Variants in GRIA2 observed in about 807,000 individuals in gnomAD.
GRIA2 encodes the protein glutamate ionotropic receptor AMPA type subunit 2.
In GRIA2, 14 loss-of-function variants were observed where a neutral mutation model predicts 97.3. That is an observed-to-expected ratio of 0.14 (90% CI 0.10 to 0.23). The LOEUF is 0.23. Among genes scored for constraint, GRIA2 ranks in the 10% least tolerant of loss-of-function variants. The pLI, the probability that GRIA2 is intolerant of heterozygous loss-of-function variation, is 1.00. For missense variants in GRIA2, 558 were observed against 1,069.8 expected, an observed-to-expected ratio of 0.52 and a Z score of 6.67; for synonymous variants, 412 against 387.8, an observed-to-expected ratio of 1.06 and a Z score of -0.73.
At chr4:157,359,742 A>G (rs897051866) in intron 12 of GRIA2, among the ~76,000 whole-genome samples, 154 bp from the exon 13 acceptor site, 3 of 152,086 alleles carry the variant, frequency 2.0e-5, no homozygotes, top group African/African-American at 7.2e-5. Context: ...AATTTCATAG[A>G]ATTGTTATTA....
chr4:157,221,890 G>A (rs1729513367), intron 2 of GRIA2, 83 bp downstream of exon 2: 1 of 1,273,096 alleles, frequency 7.9e-7, no homozygotes, highest in East Asian at 2.3e-5. Flanking sequence ...TTCTGGGGTG[G>A]TGTGTGTGCG....
intron 12 of GRIA2, among the ~76,000 whole-genome samples, chr4:157,350,559 A>G (rs1735965611): frequency 6.6e-6 from 1 of 151,602 alleles, no homozygotes; most frequent in East Asian, 1.9e-4. Context: ...CAGGCGGCCC[A>G]GTGTTTACAT....
At chr4:157,346,642 C>A (rs1735777438) in intron 12 of GRIA2, among the ~76,000 whole-genome samples, 1 of 151,884 alleles carries the variant, frequency 6.6e-6, no homozygotes, top group Non-Finnish European at 1.5e-5. Flanking sequence ...TAAATAGTTT[C>A]AAAAATAGTA....
chr4:157,225,121 T>A (rs1054069107), intron 2 of GRIA2, among the ~76,000 whole-genome samples: 1 of 152,094 alleles, frequency 6.6e-6, no homozygotes, highest in Non-Finnish European at 1.5e-5. Context: ...TCCAGGGAGA[T>A]CCACTGAATG....
chr4:157,313,334 T>C (rs1181278663), intron 4 of GRIA2, among the ~76,000 whole-genome samples: 1 of 152,096 alleles, frequency 6.6e-6, no homozygotes, highest in Non-Finnish European at 1.5e-5. Context: ...TTGCAAGATA[T>C]ATTTTTTTTC....
At chr4:157,290,043 G>A (rs1733023299) in intron 2 of GRIA2, among the ~76,000 whole-genome samples, 1 of 151,752 alleles carries the variant, frequency 6.6e-6, no homozygotes, top group Non-Finnish European at 1.5e-5. Context: ...TGACTTTATA[G>A]ATGTAAGACC....
intron 6 of GRIA2, 84 bp downstream of exon 6, chr4:157,321,683 T>C: frequency 1.1e-6 from 1 of 884,806 alleles, no homozygotes; most frequent in South Asian, 1.6e-5. Flanking sequence ...AAGGAGAAAA[T>C]AATAAAGGGA....
chr4:157,339,675 C>T (rs189513571), intron 11 of GRIA2, among the ~76,000 whole-genome samples: 8 of 151,898 alleles, frequency 5.3e-5, no homozygotes, highest in Admixed American at 4.6e-4. Flanking sequence ...TAAATTAATA[C>T]GCAATATGTA....
In GRIA2 at chr4:157,335,712, T is replaced by G. The variant is rs764515830; in HGVS notation, c.1308T>G (p.Leu436=). The G allele has an allele frequency of 1.2e-6, 2 of 1,612,114 alleles. No individual in the cohort carries two copies. Among genetic ancestry groups the G allele is most frequent in the Non-Finnish European group, 1.7e-6 (2 of 1,178,492 alleles). Residue 436 remains leucine (L), a synonymous_variant, in exon 10 of 16, where the codon CTT becomes CTG. Transcript: ENST00000264426. The part of the protein sequence containing the change: ...YVMMKKNHEM[L]EGNERYEGYC... Reference sequence around the variant, plus strand: ...TGATGAAGAAAAATCATGAAATGCTTGAAGGCAATGAGCGCTATGAGGGCT... The same window carrying G: ...TGATGAAGAAAAATCATGAAATGCTGGAAGGCAATGAGCGCTATGAGGGCT...
At chr4:157,275,122 T>A (rs1197117199) in intron 2 of GRIA2, among the ~76,000 whole-genome samples, 1 of 152,190 alleles carries the variant, frequency 6.6e-6, no homozygotes, top group African/African-American at 2.4e-5. Context: ...TGGCCAGTGA[T>A]GATGAGCATT....
rs1205981865 is a variant in GRIA2 at position 157,364,766 on chromosome 4, G to T, written c.*1335G>T. 6.6e-6 allele frequency: 1 copy of T among 151,998 alleles called. No homozygotes were observed. Among genetic ancestry groups the T allele is most frequent in the Admixed American group, 6.6e-5 (1 of 15,168 alleles). 9.4% of individuals were successfully genotyped at this position (151,998 alleles called of 1,614,324 possible). ...ATATTATGAATTTTAAAATATGTTT[G>T]AGTCTCCTGCAATATAGTTTCATCC... On this transcript the variant is annotated 3_prime_UTR_variant, in exon 16 of 16. Coordinates refer to ENST00000264426, the MANE Select transcript of GRIA2 (RefSeq NM_001083619.3).
intron 2 of GRIA2, among the ~76,000 whole-genome samples, chr4:157,245,246 A>G (rs1459723669): frequency 6.6e-6 from 1 of 151,990 alleles, no homozygotes; most frequent in Non-Finnish European, 1.5e-5. Context: ...TTTTCAGGTA[A>G]TAATTAAGGT....
At chr4:157,314,699 G>A (rs1473802186) in intron 4 of GRIA2, among the ~76,000 whole-genome samples, 1 of 152,112 alleles carries the variant, frequency 6.6e-6, no homozygotes, top group Non-Finnish European at 1.5e-5. Context: ...AACTACAAAA[G>A]CAAACGGGAA....
At chr4:157,275,794 A>G (rs753525930) in intron 2 of GRIA2, among the ~76,000 whole-genome samples, 18 of 151,994 alleles carry the variant, frequency 1.2e-4, no homozygotes, top group Admixed American at 4.6e-4. Flanking sequence ...GTTTGAAGTC[A>G]GGTAGCGTGA....
At chr4:157,349,028 T>G (rs911854548) in intron 12 of GRIA2, among the ~76,000 whole-genome samples, 3 of 152,234 alleles carry the variant, frequency 2.0e-5, no homozygotes, top group African/African-American at 7.2e-5. Context: ...GAATGCAGAC[T>G]TAAGCTAAAT....
At chr4:157,234,939 A>C (rs1461178581) in intron 2 of GRIA2, among the ~76,000 whole-genome samples, 1 of 152,132 alleles carries the variant, frequency 6.6e-6, no homozygotes, top group Non-Finnish European at 1.5e-5. Context: ...GACTTCCTAC[A>C]TATGAACTTT....
At chr4:157,275,545 A>G (rs968677240) in intron 2 of GRIA2, among the ~76,000 whole-genome samples, 1 of 152,130 alleles carries the variant, frequency 6.6e-6, no homozygotes, top group Non-Finnish European at 1.5e-5. Context: ...TAATTTTTGT[A>G]TAAGGTGTAA....
chr4:157,344,748 C>T (rs938329775), intron 12 of GRIA2, among the ~76,000 whole-genome samples: 7 of 151,824 alleles, frequency 4.6e-5, no homozygotes, highest in Admixed American at 1.3e-4. Context: ...ATCAAGTCAA[C>T]GGTTGGTTTT....
intron 12 of GRIA2, among the ~76,000 whole-genome samples, chr4:157,348,656 T>C (rs1735869585): frequency 6.6e-6 from 1 of 152,186 alleles, no homozygotes; most frequent in Non-Finnish European, 1.5e-5. Flanking sequence ...GATCTTATCA[T>C]AGTAGAGGAT....
Sources: gnomAD v4.1 joint callset for allele counts (sites outside exome capture counted in the v4.1 genomes callset) on GRCh38, gnomAD v4.1.1 for gene constraint, MANE v1.5 for transcripts, NCBI Gene and HGNC (gene_info 2026-07-23, HGNC 2026-07-21) for gene names.